The following ERBIN variants were observed in gnomAD, a reference collection of about 807,000 sequenced individuals.
The protein encoded by ERBIN is erbb2 interacting protein.
A neutral mutation model predicts 158.4 loss-of-function variants in ERBIN; 60 were observed. The observed-to-expected ratio is 0.38, with a 90% CI of 0.31 to 0.47. The LOEUF (loss-of-function observed/expected upper bound fraction) is 0.47, where lower values mean the gene tolerates loss of function less well. Ranked by LOEUF, ERBIN falls within the 20% of genes least tolerant of loss-of-function variation. The pLI is 0.99. For synonymous variants in ERBIN, 594 were observed against 557.2 expected, an observed-to-expected ratio of 1.07 and a Z score of -0.93; for missense variants, 1,610 against 1,648.0, an observed-to-expected ratio of 0.98 and a Z score of 0.40.
rs779215537 is a variant in ERBIN at position 66,053,823 on chromosome 5, G to A, written c.2505G>A (p.Arg835=). The change falls in exon 21 of 26, where the codon AGG becomes AGA. Residue 835 remains arginine, a synonymous_variant. Transcript: ENST00000284037. ...AGGAAACTTCCCAGTCTCCTAATAG[G>A]ACTGAACCACATGACAGTGATTGTT... ...HSEETSQSPN[R]TEPHDSDCSV... The A allele has an allele frequency of 1.2e-6, 2 of 1,613,830 alleles. No individual in the cohort carries two copies.
rs1336984917 is a variant in ERBIN, at chr5:65,992,727, A to G, written c.9A>G (p.Thr3=). The G allele has an allele frequency of 1.3e-6, 2 of 1,589,958 alleles. No individual in the cohort carries two copies. Among genetic ancestry groups the G allele is most frequent in the African/African-American group, 2.7e-5 (2 of 73,480 alleles). Residue 3 remains threonine, a synonymous_variant, in exon 3 of 26, where the codon ACA becomes ACG. Coordinates refer to ENST00000284037, the MANE Select transcript of ERBIN (RefSeq NM_001253697.2). MT[T]KRSLFVRLVP... The stretch of plus-strand genomic sequence containing the variant: ...TATTGCAGTGTCTAAAAATGACTAC[A>G]AAACGAAGTTTGTTTGTGCGGTTGG...
intron 21 of ERBIN, among the ~76,000 whole-genome samples, chr5:66,070,342 T>C (rs532070501): frequency 2.6e-4 from 40 of 152,190 alleles, no homozygotes; most frequent in African/African-American, 9.6e-4. Flanking sequence ...CGCGCCCAGC[T>C]AGGAACCTCC....
At chr5:66,041,462 A>G (rs1200700441) in intron 15 of ERBIN, among the ~76,000 whole-genome samples, 1 of 151,992 alleles carries the variant, frequency 6.6e-6, no homozygotes, top group Non-Finnish European at 1.5e-5. Flanking sequence ...AAAATATTAG[A>G]GTCCTCAGTA....
At chr5:65,936,793 A>G (rs571077214) in intron 1 of ERBIN, among the ~76,000 whole-genome samples, 5 of 152,324 alleles carry the variant, frequency 3.3e-5, no homozygotes, top group Non-Finnish European at 5.9e-5. Context: ...AACATAGAAG[A>G]TGAAAATTCT....
At chr5:66,058,313 GT>G (rs1307858582) in intron 21 of ERBIN, among the ~76,000 whole-genome samples, 1 of 152,002 alleles carries the variant, frequency 6.6e-6, no homozygotes, top group Non-Finnish European at 1.5e-5. Flanking sequence ...TTTTTCATGT[GT>G]TTTTTGGCTG....
chr5:66,055,100 C>G, intron 21 of ERBIN, 149 bp downstream of exon 21: 1 of 1,408,430 alleles, frequency 7.1e-7, no homozygotes, highest in Non-Finnish European at 9.2e-7. Flanking sequence ...CAAATTTAAA[C>G]TCAGCCAGGA....
At chr5:65,986,566 T>G (rs1655265459) in intron 1 of ERBIN, among the ~76,000 whole-genome samples, 1 of 152,254 alleles carries the variant, frequency 6.6e-6, no homozygotes. Flanking sequence ...TCTGAAATTC[T>G]GAAACACATA....
rs1319691766 is a variant in ERBIN at position 66,082,512 on chromosome 5, T to C, written c.*3982T>C. 6.6e-6 allele frequency: 1 copy of C among 152,188 alleles called. No individual in the cohort carries two copies. Among genetic ancestry groups the C allele is most frequent in the East Asian group, 1.9e-4 (1 of 5,200 alleles). 9.4% of individuals were successfully genotyped at this position (152,188 alleles called of 1,614,324 possible). ...AAGCTGTAAAATTATGCTTTTCCCC[T>C]CAAGGGATTCAATAAAGCTTATTTT... On this transcript the variant is annotated 3_prime_UTR_variant, in exon 26 of 26. Transcript: ENST00000284037.
rs143417819 is a variant in ERBIN, at chr5:66,075,326, C to T, written c.3963+96C>T. On this transcript the variant is annotated intron_variant, in intron 23 of 25. Transcript: ENST00000284037. ...TTAGTAAATCCATACAGAATATTAACGTAGTTATTACCATTTAAAGTTTTA... is the reference window on the plus strand; with the variant it reads ...TTAGTAAATCCATACAGAATATTAATGTAGTTATTACCATTTAAAGTTTTA... 1,515 of 990,802 alleles carry T rather than the reference C, an allele frequency of 1.5e-3. 23 individuals carry two copies. The African/African-American group carries it at 0.022, about 14-fold the overall frequency. The allele number at this position is 990,802 out of a possible 1,614,324, so 61.4% of individuals were successfully genotyped here.
intron 7 of ERBIN, among the ~76,000 whole-genome samples, chr5:66,016,171 TAA>T (rs1046323138): frequency 2.0e-5 from 3 of 152,176 alleles, no homozygotes; most frequent in African/African-American, 7.2e-5. Flanking sequence ...GAGTATAAGT[TAA>T]AGTCAAATTA....
chr5:66,068,955 G>A lies in ERBIN; in HGVS notation c.3634-3214G>A, dbSNP rs774399789. The A allele has an allele frequency of 1.2e-5, 19 of 1,535,766 alleles. No individual in the cohort carries two copies. In the South Asian group the frequency reaches 2.3e-4, roughly 18 times the overall value. ...CTGTGGCAGCTCTAGGGATCTGCAT[G>A]GCAGCCAGGGCAGTCTTGCCTTGAG... On this transcript the variant is annotated intron_variant, in intron 21 of 25. Coordinates refer to ENST00000284037, the MANE Select transcript of ERBIN (RefSeq NM_001253697.2).
chr5:66,025,415 T>A (rs1756132428), intron 10 of ERBIN, 65 bp from the exon 11 acceptor site: 8 of 1,193,740 alleles, frequency 6.7e-6, no homozygotes, highest in Non-Finnish European at 1.3e-6. Flanking sequence ...TGTCTCACAC[T>A]GACTGTTGGT....
At chr5:66,044,098 A>C (rs1758180419) in intron 16 of ERBIN, 39 bp from the exon 17 acceptor site, 1 of 1,421,040 alleles carries the variant, frequency 7.0e-7, no homozygotes, top group East Asian at 2.5e-5. Flanking sequence ...GACATTAGAA[A>C]TATTTGTACT....
intron 1 of ERBIN, among the ~76,000 whole-genome samples, chr5:65,941,357 A>G (rs114942567): frequency 0.011 from 1,615 of 149,758 alleles, 25 homozygotes; most frequent in African/African-American, 0.036. Context: ...ACAACAATAT[A>G]GCAATTATTT....
chr5:65,928,760 A>C (rs768584180), intron 1 of ERBIN, among the ~76,000 whole-genome samples: 5 of 152,188 alleles, frequency 3.3e-5, no homozygotes, highest in African/African-American at 4.8e-5. Flanking sequence ...TTAGTTTATC[A>C]CCGAATTAAC....
intron 1 of ERBIN, among the ~76,000 whole-genome samples, chr5:65,968,215 T>A (rs1322535608): frequency 6.6e-6 from 1 of 152,176 alleles, no homozygotes; most frequent in Non-Finnish European, 1.5e-5. Flanking sequence ...GGTTAGGGAT[T>A]AAGTTCTAAA....
chr5:65,976,361 T>C (rs1330727578), intron 1 of ERBIN, among the ~76,000 whole-genome samples: 1 of 152,044 alleles, frequency 6.6e-6, no homozygotes, highest in Non-Finnish European at 1.5e-5. Flanking sequence ...TAATCCCAGC[T>C]ACTGTGGAGG....
At chr5:66,065,634 TGTGTGTGTGTGTGTGTGTGTGTG>T (rs1760906136) in intron 21 of ERBIN, among the ~76,000 whole-genome samples, 1 of 149,172 alleles carries the variant, frequency 6.7e-6, no homozygotes, top group African/African-American at 2.5e-5. Flanking sequence ...TGTGTGTGTG[TGTGTGTGTGTGTGTGTGTGTGTG>T]TGTTTTGCTT....
intron 1 of ERBIN, among the ~76,000 whole-genome samples, chr5:65,984,571 G>C (rs1751011856): frequency 1.3e-5 from 2 of 152,222 alleles, no homozygotes; most frequent in South Asian, 4.1e-4. Flanking sequence ...GTTTAAGAGA[G>C]GGCCGCAGAG....
Sources: allele counts gnomAD v4.1 joint callset (sites outside exome capture counted in the v4.1 genomes callset), GRCh38; gene constraint gnomAD v4.1.1; transcripts MANE v1.5; gene names NCBI Gene and HGNC (gene_info 2026-07-23, HGNC 2026-07-21).